The following AIG1 variants were observed in gnomAD, a reference collection of about 807,000 sequenced individuals.
The protein encoded by AIG1 is androgen induced 1, also known as androgen-induced gene 1 protein.
A neutral mutation model predicts 31.4 loss-of-function variants in AIG1; 23 were observed. The ratio of observed to expected loss-of-function variants is 0.73; its 90% CI spans 0.53 to 1.04. AIG1 has a LOEUF of 1.04. Ranked by LOEUF, AIG1 falls within the 50% of genes least tolerant of loss-of-function variation. AIG1 has a pLI of 0.00. For synonymous variants in AIG1, 100 were observed against 110.5 expected (o/e 0.90, Z 0.60); for missense variants, 274 against 295.0 (o/e 0.93, Z 0.52).
chr6:143,069,155 C>T lies in AIG1; in HGVS notation c.141+8089C>T, dbSNP rs538187590. Among the ~76,000 whole-genome samples, 46 of 152,126 alleles carry T rather than the reference C, an allele frequency of 3.0e-4. 2 individuals carry two copies. In the South Asian group the frequency reaches 9.4e-3, roughly 31 times the overall value. On this transcript the variant is annotated intron_variant, in intron 1 of 5. Coordinates refer to ENST00000357847, the MANE Select transcript of AIG1 (RefSeq NM_016108.4). ...TCAGCCTCCCGAGTAGCTGGGATTACAGGTGCATGCCGCCACTCCTGGCTA... is the reference window on the plus strand; with the variant it reads ...TCAGCCTCCCGAGTAGCTGGGATTATAGGTGCATGCCGCCACTCCTGGCTA...
At chr6:143,105,016 AC>A (rs1380261193) in intron 1 of AIG1, among the ~76,000 whole-genome samples, 2 of 152,230 alleles carry the variant, frequency 1.3e-5, no homozygotes, top group African/African-American at 4.8e-5. Context: ...TGGCATATTA[AC>A]AGTTAAGCTC....
chr6:143,071,422 A>G (rs1777247144), intron 1 of AIG1, among the ~76,000 whole-genome samples: 1 of 152,194 alleles, frequency 6.6e-6, no homozygotes, highest in Non-Finnish European at 1.5e-5. Flanking sequence ...GTGTGACCAT[A>G]AGTTTTTATT....
At chr6:143,060,647 G>T (rs1392720182), upstream of AIG1, 5 of 457,492 alleles carry the variant, frequency 1.1e-5, no homozygotes, top group Admixed American at 2.4e-5. Context: ...GGAGCAGAAT[G>T]ACGAAGGTGA....
rs1486386429 is a variant in AIG1, at chr6:143,323,261, G to A, written c.516-10021G>A. ...TTCAAAAATGATGTAAGACTTTCAA[G>A]ATGGTGACAGCATATCCTTAAACCA... On this transcript the variant is annotated intron_variant, in intron 4 of 5. Transcript: ENST00000357847. 2.0e-5 allele frequency among the ~76,000 whole-genome samples: 3 copies of A among 152,154 alleles called. No homozygotes were observed. In the East Asian group the frequency reaches 5.8e-4, roughly 29 times the overall value.
chr6:143,226,526 G>A lies in AIG1; in HGVS notation c.400-57584G>A, dbSNP rs191472030. On this transcript the variant is annotated intron_variant, in intron 3 of 5. Transcript: ENST00000357847. ...CCCAAAGTGCTGGGATTACAGACCT[G>A]AGCCACCACACCCGTCCTCTTCTTA... 3.9e-3 allele frequency among the ~76,000 whole-genome samples: 596 copies of A among 152,122 alleles called. 8 individuals are homozygous for A. The highest frequency in any genetic ancestry group is 7.3e-3 in the South Asian group (35 of 4,822).
chr6:143,066,222 CATGGATTA>C (rs890706210), intron 1 of AIG1, among the ~76,000 whole-genome samples: 8 of 152,100 alleles, frequency 5.3e-5, no homozygotes, highest in Admixed American at 4.6e-4. Context: ...TTTTCATTTA[CATGGATTA>C]ATTGTAGGAC....
chr6:143,076,828 C>T (rs1345852428), intron 1 of AIG1, among the ~76,000 whole-genome samples: 8 of 151,944 alleles, frequency 5.3e-5, no homozygotes, highest in South Asian at 2.1e-4. Flanking sequence ...CCTACCACCA[C>T]GCCCGGCTAA....
intron 3 of AIG1, among the ~76,000 whole-genome samples, chr6:143,175,326 C>G (rs1788042717): frequency 6.6e-6 from 1 of 152,138 alleles, no homozygotes; most frequent in Admixed American, 6.6e-5. Context: ...GTTCTTTGAG[C>G]TACTTGTATT....
At chr6:143,196,285 G>GA (rs890056340) in intron 3 of AIG1, among the ~76,000 whole-genome samples, 2 of 151,716 alleles carry the variant, frequency 1.3e-5, no homozygotes, top group African/African-American at 4.8e-5. Context: ...GGAGGAGAGA[G>GA]AATCTTTAAA....
intron 3 of AIG1, among the ~76,000 whole-genome samples, chr6:143,282,141 A>C (rs1000112165): frequency 2.0e-5 from 3 of 152,178 alleles, no homozygotes; most frequent in Non-Finnish European, 4.4e-5. Context: ...TTATACAACC[A>C]ATATATATTT....
At chr6:143,236,842 G>A (rs1793843261) in intron 3 of AIG1, among the ~76,000 whole-genome samples, 1 of 152,088 alleles carries the variant, frequency 6.6e-6, no homozygotes, top group Non-Finnish European at 1.5e-5. Context: ...ACTTCCTTAA[G>A]AAATTTTTTT....
At chr6:143,343,333 G>A, downstream of AIG1, 1 of 601,976 alleles carries the variant, frequency 1.7e-6, no homozygotes, top group Non-Finnish European at 3.3e-6. Context: ...GTGAAAATCT[G>A]GCATGAAATG....
intron 3 of AIG1, among the ~76,000 whole-genome samples, chr6:143,168,698 G>T (rs2128569627): frequency 6.6e-6 from 1 of 151,974 alleles, no homozygotes; most frequent in South Asian, 2.1e-4. Flanking sequence ...AGCTACTCAG[G>T]TGGCTGAGGT....
chr6:143,166,454 G>C (rs376926297), intron 3 of AIG1, among the ~76,000 whole-genome samples: 3 of 152,158 alleles, frequency 2.0e-5, no homozygotes, highest in East Asian at 1.9e-4. Flanking sequence ...ATTCCTGCTA[G>C]CTTAGTTCCT....
intron 1 of AIG1, among the ~76,000 whole-genome samples, chr6:143,071,864 A>G (rs1454527157): frequency 6.6e-6 from 1 of 151,348 alleles, no homozygotes; most frequent in Non-Finnish European, 1.5e-5. Context: ...GCTCACTGTC[A>G]TCTCAAACTT....
chr6:143,083,921 T>C (rs1033145206), intron 1 of AIG1, among the ~76,000 whole-genome samples: 1 of 152,158 alleles, frequency 6.6e-6, no homozygotes, highest in Non-Finnish European at 1.5e-5. Flanking sequence ...TGCTAGAATG[T>C]CCTCTCTAAC....
chr6:143,305,147 A>G (rs1400778364), intron 4 of AIG1, among the ~76,000 whole-genome samples: 1 of 152,068 alleles, frequency 6.6e-6, no homozygotes, highest in Non-Finnish European at 1.5e-5. Flanking sequence ...CTAGCAGTCT[A>G]TCAATTTTGT....
intron 1 of AIG1, among the ~76,000 whole-genome samples, chr6:143,123,481 C>T (rs927315538): frequency 6.6e-6 from 1 of 151,960 alleles, no homozygotes; most frequent in Non-Finnish European, 1.5e-5. Flanking sequence ...TATGTGGATT[C>T]CTGGGTTAAT....
chr6:143,202,220 G>A (rs1037611017), intron 3 of AIG1, among the ~76,000 whole-genome samples: 1 of 152,178 alleles, frequency 6.6e-6, no homozygotes, highest in Admixed American at 6.5e-5. Context: ...AGGAAATAAA[G>A]TAAGCACTAC....
Sources: gnomAD v4.1 joint callset for allele counts (sites outside exome capture counted in the v4.1 genomes callset) on GRCh38, gnomAD v4.1.1 for gene constraint, MANE v1.5 for transcripts, NCBI Gene and HGNC (gene_info 2026-07-23, HGNC 2026-07-21) for gene names.